STOX1: variants seen among roughly 807,000 people sequenced by gnomAD.
The protein encoded by STOX1 is storkhead-box protein 1.
A neutral mutation model predicts 74.8 loss-of-function variants in STOX1; 57 were observed. The ratio of observed to expected loss-of-function variants is 0.76; its 90% CI spans 0.62 to 0.95. STOX1 has a LOEUF of 0.95. Ranked by LOEUF, STOX1 falls within the 40% of genes least tolerant of loss-of-function variation. The pLI is 0.00. For synonymous variants in STOX1, 375 were observed against 401.3 expected (o/e 0.93, Z 0.78); for missense variants, 1,010 against 1,117.0 (o/e 0.90, Z 1.37).
At chr10:68,868,245 C>T (rs1840456665) in intron 1 of STOX1, among the ~76,000 whole-genome samples, 1 of 152,188 alleles carries the variant, frequency 6.6e-6, no homozygotes, top group Non-Finnish European at 1.5e-5. Flanking sequence ...AGCTGAGAGC[C>T]TCGAACAGAG....
intron 1 of STOX1, among the ~76,000 whole-genome samples, chr10:68,853,300 G>T (rs768755380): frequency 3.2e-4 from 49 of 152,246 alleles, no homozygotes; most frequent in Middle Eastern, 3.4e-3. Context: ...CACTTATTCA[G>T]CTATTGCCTG....
chr10:68,860,900 G>A (rs2133559332), intron 1 of STOX1, among the ~76,000 whole-genome samples: 1 of 152,110 alleles, frequency 6.6e-6, no homozygotes, highest in South Asian at 2.1e-4. Context: ...ATAGGCTATG[G>A]GAGTTGGGAA....
chr10:68,881,106 G>A (rs1840804792), intron 1 of STOX1, among the ~76,000 whole-genome samples: 1 of 152,076 alleles, frequency 6.6e-6, no homozygotes, highest in African/African-American at 2.4e-5. Flanking sequence ...ATCTCTATTA[G>A]TTGATTCCCA....
At chr10:68,891,209 A>G (rs1253369118) in intron 3 of STOX1, among the ~76,000 whole-genome samples, 4 of 152,198 alleles carry the variant, frequency 2.6e-5, no homozygotes, top group Admixed American at 6.5e-5. Flanking sequence ...GAGGAAAGGG[A>G]AAGGAAAGTA....
chr10:68,828,326 C>A, intron 1 of STOX1: 1 of 1,120,974 alleles, frequency 8.9e-7, no homozygotes, highest in Non-Finnish European at 1.1e-6. Flanking sequence ...GCGCGGAGCT[C>A]CGCGCTGCAG....
chr10:68,832,329 G>A (rs1274067727), intron 1 of STOX1, among the ~76,000 whole-genome samples: 2 of 152,190 alleles, frequency 1.3e-5, no homozygotes, highest in Admixed American at 6.5e-5. Context: ...TAGCTGGGGT[G>A]TCTCCACCCT....
Position 68,852,537 on chromosome 10 carries a change from C to T in STOX1, c.310+24604C>T, listed in dbSNP as rs941319845. ...CCTCCCAAAGTGCTGGGATTACAGG[C>T]ATGAGCCACCGCGCCTGGCCCTCTT... On this transcript the variant is annotated intron_variant, in intron 1 of 3. Transcript: ENST00000298596. 3.3e-5 allele frequency among the ~76,000 whole-genome samples: 5 copies of T among 151,888 alleles called. 1 individual carries two copies. The highest frequency in any genetic ancestry group is 1.2e-4 in the African/African-American group (5 of 41,306).
chr10:68,857,893 C>T (rs887311605), intron 1 of STOX1, among the ~76,000 whole-genome samples: 1 of 152,058 alleles, frequency 6.6e-6, no homozygotes, highest in Non-Finnish European at 1.5e-5. Flanking sequence ...AGCAGGAGAA[C>T]TGGCTGTGGG....
chr10:68,849,399 G>A (rs527840770), intron 1 of STOX1, among the ~76,000 whole-genome samples: 14 of 152,202 alleles, frequency 9.2e-5, no homozygotes, highest in Middle Eastern at 3.4e-3. Context: ...GAACTCTTCC[G>A]ATTATTTAAT....
chr10:68,858,543 G>A (rs966989190), intron 1 of STOX1, among the ~76,000 whole-genome samples: 4 of 152,066 alleles, frequency 2.6e-5, no homozygotes, highest in Non-Finnish European at 5.9e-5. Context: ...TCCCTGAAGT[G>A]GCTTTTATCT....
intron 1 of STOX1, among the ~76,000 whole-genome samples, chr10:68,851,667 C>A (rs576812391): frequency 1.3e-5 from 2 of 152,040 alleles, no homozygotes; most frequent in African/African-American, 4.8e-5. Flanking sequence ...ATGGTGAAAC[C>A]CTGTCTCTAT....
intron 1 of STOX1, among the ~76,000 whole-genome samples, chr10:68,833,335 C>T (rs900224116): frequency 3.3e-5 from 5 of 151,946 alleles, no homozygotes; most frequent in East Asian, 1.9e-4. Context: ...TTGATTCATC[C>T]GCCTCAGCCT....
intron 1 of STOX1, among the ~76,000 whole-genome samples, chr10:68,831,487 A>T (rs546078150): frequency 6.6e-6 from 1 of 152,184 alleles, no homozygotes; most frequent in Non-Finnish European, 1.5e-5. Flanking sequence ...GCCTGGCTAG[A>T]TGTTTTTTTA....
intron 1 of STOX1, among the ~76,000 whole-genome samples, chr10:68,868,658 G>A (rs949488281): frequency 6.6e-6 from 1 of 152,104 alleles, no homozygotes; most frequent in Non-Finnish European, 1.5e-5. Flanking sequence ...TTCCAGCCTG[G>A]GCAACAAGAA....
chr10:68,838,790 G>A (rs920549220), intron 1 of STOX1, among the ~76,000 whole-genome samples: 6 of 151,960 alleles, frequency 3.9e-5, no homozygotes, highest in Non-Finnish European at 7.4e-5. Context: ...GGCACCTGTA[G>A]TCCTAGCTAC....
At chr10:68,850,289 T>A (rs1589221937) in intron 1 of STOX1, among the ~76,000 whole-genome samples, 1 of 152,232 alleles carries the variant, frequency 6.6e-6, no homozygotes, top group South Asian at 2.1e-4. Context: ...ATTACAGGCA[T>A]CAGCCACTGC....
At chr10:68,846,978 G>C (rs1233923770) in intron 1 of STOX1, 1 of 152,114 alleles carries the variant, frequency 6.6e-6, no homozygotes, top group Admixed American at 6.5e-5. Flanking sequence ...ATCAATATTG[G>C]GTCTCCTGAG....
At position 68,885,519 on chromosome 10, in the gene STOX1, A is replaced by G. The variant is rs369641980; in HGVS notation, c.1723A>G (p.Asn575Asp). The G allele has an allele frequency of 1.7e-4, 281 of 1,614,110 alleles. No individual in the cohort carries two copies. Among genetic ancestry groups the G allele is most frequent in the Non-Finnish European group, 2.3e-4 (271 of 1,180,058 alleles). Residue 575 changes from asparagine to aspartate, a missense_variant, in exon 3 of 4, where the codon AAT becomes GAT. By Grantham distance (23) the Asn-to-Asp change is conservative. Coordinates refer to ENST00000298596, the MANE Select transcript of STOX1 (RefSeq NM_152709.5). ...AAATGACCCTACTGTCAAACCCATC[A>G]ATGATGACTTCAGAGGTCACCTCTT... ...YINDPTVKPI[N>D]DDFRGHLFSH...
At position 68,884,871 on chromosome 10, in the gene STOX1, CA is replaced by C. The variant is rs1196049833; in HGVS notation, c.1076del (p.His359LeufsTer3). The C allele has an allele frequency of 1.9e-6, 3 of 1,613,854 alleles. No individual in the cohort carries two copies. In the African/African-American group the frequency reaches 4.0e-5, roughly 22 times the overall value. ...GGACAATATCCCTCGAGATGTTGAACATGAGATAATCAAACGAATTAACCCC... is the reference window on the plus strand; with the variant it reads ...GGACAATATCCCTCGAGATGTTGAACTGAGATAATCAAACGAATTAACCCC... ...DLDNIPRDVE[H>X]EIIKRINPIL... On this transcript the variant is annotated frameshift_variant, in exon 3 of 4. Transcript: ENST00000298596. LOFTEE classifies it high-confidence loss of function.
Sources: allele counts gnomAD v4.1 joint callset (sites outside exome capture counted in the v4.1 genomes callset), GRCh38; gene constraint gnomAD v4.1.1; transcripts MANE v1.5; gene names NCBI Gene and HGNC (gene_info 2026-07-23, HGNC 2026-07-21).